The following TTLL4 variants were observed in gnomAD, a reference collection of about 807,000 sequenced individuals.
TTLL4 encodes the protein tubulin monoglutamylase TTLL4.
In TTLL4, 85 loss-of-function variants were observed where a neutral mutation model predicts 122.7. That is an observed-to-expected ratio of 0.69 (90% CI 0.58 to 0.83). The LOEUF is 0.83. Ranked by LOEUF, TTLL4 falls within the 40% of genes least tolerant of loss-of-function variation. TTLL4 has a pLI of 0.00. For missense variants in TTLL4, 1,363 were observed against 1,488.6 expected (o/e 0.92, Z 1.39); for synonymous variants, 553 against 563.0 (o/e 0.98, Z 0.25).
chr2:218,730,494 C>T (rs1484591999), intron 2 of TTLL4, among the ~76,000 whole-genome samples: 4 of 150,726 alleles, frequency 2.7e-5, no homozygotes, highest in African/African-American at 4.9e-5. Flanking sequence ...GGCAACAGAG[C>T]GAGACGCTGT....
chr2:218,736,418 C>T (rs1194454396), intron 2 of TTLL4: 3 of 152,168 alleles, frequency 2.0e-5, no homozygotes, highest in Admixed American at 6.5e-5. Flanking sequence ...AGAAGGCTGG[C>T]TTACAGGTTT....
In TTLL4 at chr2:218,739,228, C is replaced by T. The variant is rs555606147; in HGVS notation, c.1487+65C>T. 20 of 1,519,450 alleles carry T rather than the reference C, an allele frequency of 1.3e-5. No homozygotes were observed. In the African/African-American group the frequency reaches 2.5e-4, roughly 19 times the overall value. The allele number at this position is 1,519,450 out of a possible 1,614,324, so 94.1% of individuals were successfully genotyped here. A position where few individuals can be genotyped will look rare whatever the true frequency, so the allele number is the denominator to read the frequency against. ...ATGTATATACCATAATTTGGGGTGG[C>T]ACCGACCCTGTACCTCTGAAGGTTG... On this transcript the variant is annotated intron_variant, in intron 3 of 19. Transcript: ENST00000392102.
In TTLL4 at chr2:218,739,075, A is replaced by G; in HGVS notation, c.1399A>G (p.Thr467Ala). 6.2e-7 allele frequency: 1 copy of G among 1,601,220 alleles called. No homozygotes were observed. The highest frequency in any genetic ancestry group is 1.1e-5 in the South Asian group (1 of 89,576). The change falls in exon 3 of 20, where the codon ACC becomes GCC. Residue 467 changes from threonine (T) to alanine (A), a missense_variant. By Grantham distance (58) the Thr-to-Ala change is moderately conservative. Transcript: ENST00000392102. ...PQTLGIANVA[T>A]RLSSIQLGQS... is the part of the protein sequence containing the mutation. ...AACTCTTGGCATAGCCAACGTGGCC[A>G]CCCGCCTCTCTTCCATCCAGCTGGG... is the stretch of plus-strand genomic sequence containing the variant.
intron 2 of TTLL4, among the ~76,000 whole-genome samples, chr2:218,734,675 C>T (rs1281025974): frequency 6.6e-6 from 1 of 152,128 alleles, no homozygotes; most frequent in Non-Finnish European, 1.5e-5. Context: ...GGGGGACCAG[C>T]CTGAGTTTTC....
chr2:218,734,485 C>G (rs141933266), intron 2 of TTLL4, among the ~76,000 whole-genome samples: 2 of 152,096 alleles, frequency 1.3e-5, no homozygotes, highest in Non-Finnish European at 2.9e-5. Flanking sequence ...TGGTGGCATG[C>G]GCAGAGGTGA....
rs1188672487 is a variant in TTLL4 at position 218,754,181 on chromosome 2, C to T, written c.3392C>T (p.Thr1131Ile). The change falls in exon 20 of 20, where the codon ACC becomes ATC. Residue 1131 changes from threonine to isoleucine, a missense_variant. Coordinates refer to ENST00000392102, the MANE Select transcript of TTLL4 (RefSeq NM_014640.5). ...AGCCTACTACTCTCTGAAGACGGGACCACGCCCAAATCCAAGAAGACTCAA... is the reference window on the plus strand; with the variant it reads ...AGCCTACTACTCTCTGAAGACGGGATCACGCCCAAATCCAAGAAGACTCAA... ...EVSLLLSEDG[T>I]TPKSKKTQAG... 6 of 1,614,204 alleles carry T rather than the reference C, an allele frequency of 3.7e-6. No homozygotes were observed. Among genetic ancestry groups the T allele is most frequent in the Non-Finnish European group, 5.1e-6 (6 of 1,180,026 alleles).
chr2:218,756,458 C>A (rs956539135), downstream of TTLL4, among the ~76,000 whole-genome samples: 1 of 152,172 alleles, frequency 6.6e-6, no homozygotes, highest in African/African-American at 2.4e-5. Flanking sequence ...GTACATTATT[C>A]TTAATTTTCA....
In TTLL4 at chr2:218,751,892, T is replaced by TTTC. The variant is rs1385603341; in HGVS notation, c.2976+88_2976+89insCTT. 3.5e-6 allele frequency: 3 copies of TTTC among 860,818 alleles called. 1 individual carries two copies. The highest frequency in any genetic ancestry group is 5.0e-6 in the Non-Finnish European group (3 of 601,630). 53.3% of individuals were successfully genotyped at this position (860,818 alleles called of 1,614,324 possible). A position where few individuals can be genotyped will look rare whatever the true frequency, so the allele number is the denominator to read the frequency against. Reference sequence around the variant, plus strand: ...CCCAAAAGCAAACAGCTTTTCTTTTTTTTTTTCTTTTCTTTTTCTTTTTTT... The same window carrying TTTC: ...CCCAAAAGCAAACAGCTTTTCTTTTTTTCTTTTTTCTTTTCTTTTTCTTTTTTT... On this transcript the variant is annotated intron_variant, in intron 16 of 19. Coordinates refer to ENST00000392102, the MANE Select transcript of TTLL4 (RefSeq NM_014640.5).
chr2:218,750,269 C>T, intron 15 of TTLL4, 123 bp downstream of exon 15: 2 of 1,327,042 alleles, frequency 1.5e-6, no homozygotes, highest in Non-Finnish European at 2.0e-6. Flanking sequence ...AATCTTGCCC[C>T]TACAGTCCAC....
At chr2:218,740,239 G>A (rs1222474529) in intron 4 of TTLL4, 72 bp downstream of exon 4, 4 of 1,425,308 alleles carry the variant, frequency 2.8e-6, no homozygotes, top group Non-Finnish European at 3.9e-6. Context: ...TGACAATTGT[G>A]TACTAGGTCC....
intron 5 of TTLL4, among the ~76,000 whole-genome samples, chr2:218,744,184 G>A (rs1324092051): frequency 6.6e-6 from 1 of 152,168 alleles, no homozygotes; most frequent in Non-Finnish European, 1.5e-5. Context: ...ACACTGAAGT[G>A]TTTCACATAC....
chr2:218,736,132 A>ACCATT (rs954197191), intron 2 of TTLL4, among the ~76,000 whole-genome samples: 23 of 151,512 alleles, frequency 1.5e-4, no homozygotes, highest in African/African-American at 5.6e-4. Context: ...GCGCCACCAT[A>ACCATT]CCTGGCTGAT....
chr2:218,750,882 T>C (rs1227488358), intron 15 of TTLL4, among the ~76,000 whole-genome samples: 1 of 152,182 alleles, frequency 6.6e-6, no homozygotes, highest in African/African-American at 2.4e-5. Context: ...TTTTTTCTTT[T>C]TTCATACCAC....
In TTLL4 at chr2:218,748,196, G is replaced by T. The variant is rs764959876; in HGVS notation, c.2470G>T (p.Ala824Ser). Residue 824 changes from alanine (A) to serine (S), a missense_variant, in exon 12 of 20, where the codon GCA becomes TCA. By Grantham distance (99) the Ala-to-Ser change is moderately conservative. Coordinates refer to ENST00000392102, the MANE Select transcript of TTLL4 (RefSeq NM_014640.5). ...NKKNAEYQAN[A>S]DEMACQGHKW... ...AAAGAATGCCGAGTACCAGGCCAAT[G>T]CAGATGAAATGGCTTGCCAGGGCCA... 6.2e-7 allele frequency: 1 copy of T among 1,614,168 alleles called. No individual in the cohort carries two copies. Among genetic ancestry groups the T allele is most frequent in the Non-Finnish European group, 8.5e-7 (1 of 1,180,012 alleles).
intron 2 of TTLL4, among the ~76,000 whole-genome samples, chr2:218,736,669 A>G (rs7573999): frequency 0.5 from 75,507 of 151,820 alleles, 19,512 homozygotes; most frequent in African/African-American, 0.61. Context: ...TGGAATTTAA[A>G]TCTGTATAGT....
At chr2:218,750,616 C>T (rs1652456780) in intron 15 of TTLL4, among the ~76,000 whole-genome samples, 1 of 152,084 alleles carries the variant, frequency 6.6e-6, no homozygotes, top group Admixed American at 6.6e-5. Context: ...TTTCTTCTTC[C>T]TCTCCTGGCT....
intron 2 of TTLL4, among the ~76,000 whole-genome samples, chr2:218,731,625 G>A (rs952301102): frequency 2.0e-5 from 3 of 152,172 alleles, no homozygotes; most frequent in East Asian, 1.9e-4. Flanking sequence ...TGCTGCAAAC[G>A]TTTACTGGGA....
intron 1 of TTLL4, among the ~76,000 whole-genome samples, chr2:218,715,971 A>G (rs1010916813): frequency 3.3e-5 from 5 of 152,162 alleles, no homozygotes; most frequent in African/African-American, 9.7e-5. Flanking sequence ...TATGGGGACT[A>G]TCTGTTGACT....
intron 5 of TTLL4, among the ~76,000 whole-genome samples, chr2:218,743,199 C>T (rs868775180): frequency 2.5e-4 from 38 of 151,996 alleles, no homozygotes; most frequent in African/African-American, 8.2e-4. Context: ...TCCTCCTCCT[C>T]CTACCCTTAC....
Sources: allele counts gnomAD v4.1 joint callset (sites outside exome capture counted in the v4.1 genomes callset), GRCh38; gene constraint gnomAD v4.1.1; transcripts MANE v1.5; gene names NCBI Gene and HGNC (gene_info 2026-07-23, HGNC 2026-07-21).